Variants in FSTL4 observed in about 807,000 individuals in gnomAD.
FSTL4 encodes the protein follistatin like 4, also known as follistatin-related protein 4.
FSTL4 carries 28 observed loss-of-function variants against 78.2 expected under a neutral mutation model. That is an observed-to-expected ratio of 0.36 (90% confidence interval 0.27 to 0.49). The LOEUF is 0.49. Among genes scored for constraint, FSTL4 ranks in the 20% least tolerant of loss-of-function variants. FSTL4 has a pLI of 0.98. For synonymous variants in FSTL4, 422 were observed against 440.5 expected (o/e 0.96, Z 0.53); for missense variants, 922 against 1,084.9 (o/e 0.85, Z 2.11).
chr5:133,751,550 GC>G, the FSTL4 span, among the ~76,000 whole-genome samples: 1 of 152,160 alleles, frequency 6.6e-6, no homozygotes, highest in Non-Finnish European at 1.5e-5. Context: ...TCTTCATCTA[GC>G]CATATTGAAC....
At chr5:133,258,503 C>A (rs941855531) in intron 6 of FSTL4, among the ~76,000 whole-genome samples, 5 of 152,212 alleles carry the variant, frequency 3.3e-5, no homozygotes, top group African/African-American at 9.6e-5. Flanking sequence ...CAGACTGAAA[C>A]TGAAACACTG....
the FSTL4 span, among the ~76,000 whole-genome samples, chr5:133,635,705 T>C: frequency 6.6e-6 from 1 of 152,166 alleles, no homozygotes; most frequent in Admixed American, 6.5e-5. Flanking sequence ...GGAGGTTGCG[T>C]TGAGCTGAGA....
chr5:133,416,879 CTTCT>C (rs1756589054), intron 3 of FSTL4, among the ~76,000 whole-genome samples: 1 of 152,180 alleles, frequency 6.6e-6, no homozygotes, highest in Non-Finnish European at 1.5e-5. Context: ...TGGTTTGAAT[CTTCT>C]TTCTATCGAG....
At chr5:133,437,576 G>A (rs759033287) in intron 3 of FSTL4, among the ~76,000 whole-genome samples, 1 of 131,514 alleles carries the variant, frequency 7.6e-6, no homozygotes, top group African/African-American at 2.9e-5. Context: ...TGCAACCTCC[G>A]CCTACTGGGC....
chr5:133,679,260 G>A, the FSTL4 span, among the ~76,000 whole-genome samples: 14 of 152,112 alleles, frequency 9.2e-5, no homozygotes, highest in South Asian at 4.2e-4. Context: ...AGACTCCCAG[G>A]AGGAAAGCAG....
chr5:133,496,845 C>G (rs1473178289), intron 3 of FSTL4, among the ~76,000 whole-genome samples: 2 of 152,198 alleles, frequency 1.3e-5, no homozygotes, highest in Non-Finnish European at 2.9e-5. Flanking sequence ...CGCCCTCTCC[C>G]ACTCAGCAGC....
rs948343366 is a variant in FSTL4 at position 133,426,126 on chromosome 5, C to T, written c.161-25140G>A. On this transcript the variant is annotated intron_variant, in intron 3 of 15. Coordinates refer to ENST00000265342, the MANE Select transcript of FSTL4 (RefSeq NM_015082.2). This position sits in a 1 kb window ranked among gnomAD's most constrained non-coding sequence, Gnocchi z 5.0. The stretch of plus-strand genomic sequence containing the variant: ...TCACCTTCCTCATTGCCCCAACATC[C>T]CTGAGAGTGTGCCTTTGATCTCAAA... Among the ~76,000 whole-genome samples, 2 of 152,168 alleles carry T rather than the reference C, an allele frequency of 1.3e-5. No homozygotes were observed. Among genetic ancestry groups the T allele is most frequent in the Middle Eastern group, 3.2e-3 (1 of 316 alleles).
At chr5:133,402,399 T>C (rs1283445279) in intron 3 of FSTL4, among the ~76,000 whole-genome samples, 1 of 152,158 alleles carries the variant, frequency 6.6e-6, no homozygotes, top group Non-Finnish European at 1.5e-5. Flanking sequence ...GATGGAAAGT[T>C]GAGAATTACA....
At chr5:133,758,172 A>G in the FSTL4 span, among the ~76,000 whole-genome samples, 1 of 152,198 alleles carries the variant, frequency 6.6e-6, no homozygotes, top group African/African-American at 2.4e-5. Flanking sequence ...ATCCTCATCA[A>G]CCACTCACTG....
the FSTL4 span, among the ~76,000 whole-genome samples, chr5:133,683,515 G>A: frequency 6.6e-6 from 1 of 152,048 alleles, no homozygotes; most frequent in African/African-American, 2.4e-5. Flanking sequence ...AATCAAACTT[G>A]CCAAGCATGT....
In FSTL4 at chr5:133,611,690, A is replaced by G. The variant is rs1761097130; in HGVS notation, c.-11+635T>C. Among the ~76,000 whole-genome samples, 1 of 152,284 alleles carries G rather than the reference A, an allele frequency of 6.6e-6. No homozygotes were observed. ...ACAAGCAGCGCCGCAGGCTGCCTGG[A>G]GTCGGGTCGTGCCCTGATTCCTTCC... On this transcript the variant is annotated intron_variant, in intron 1 of 15. Transcript: ENST00000265342. This position sits in a 1 kb window ranked among gnomAD's most constrained non-coding sequence, Gnocchi z 4.9.
the FSTL4 span, among the ~76,000 whole-genome samples, chr5:133,628,329 AT>A: frequency 5.6e-3 from 842 of 151,244 alleles, 2 homozygotes; most frequent in Non-Finnish European, 7.5e-3. Flanking sequence ...TCAGGAGCTG[AT>A]TTTTTTTGTT....
chr5:133,338,954 A>T lies in FSTL4; in HGVS notation c.410-22302T>A, dbSNP rs1754527713. ...CCGGATGACCACTATGCCTCCGATCATGTCCCCACCAATCCTCCCCCACTC... is the reference window on the plus strand; with the variant it reads ...CCGGATGACCACTATGCCTCCGATCTTGTCCCCACCAATCCTCCCCCACTC... On this transcript the variant is annotated intron_variant, in intron 4 of 15. Transcript: ENST00000265342. This position sits in a 1 kb window ranked among gnomAD's most constrained non-coding sequence, Gnocchi z 4.0. Among the ~76,000 whole-genome samples, 3 of 151,952 alleles carry T rather than the reference A, an allele frequency of 2.0e-5. No individual in the cohort carries two copies. Among genetic ancestry groups the T allele is most frequent in the Admixed American group, 2.0e-4 (3 of 15,250 alleles).
At chr5:133,562,055 G>A (rs950654108) in intron 3 of FSTL4, among the ~76,000 whole-genome samples, 3 of 152,190 alleles carry the variant, frequency 2.0e-5, no homozygotes, top group Admixed American at 1.3e-4. Context: ...CTCACTGCAT[G>A]TGAGAGAGGG....
the FSTL4 span, among the ~76,000 whole-genome samples, chr5:133,634,668 A>G: frequency 6.6e-6 from 1 of 152,168 alleles, no homozygotes; most frequent in East Asian, 1.9e-4. Flanking sequence ...TGTTTATTGT[A>G]AAAATAGCAA....
intron 3 of FSTL4, among the ~76,000 whole-genome samples, chr5:133,493,870 G>A (rs1368948171): frequency 6.6e-5 from 10 of 152,262 alleles, no homozygotes; most frequent in Admixed American, 2.0e-4. Context: ...AACTCAGATC[G>A]TCCTTCTGCC....
At chr5:133,742,155 A>G in the FSTL4 span, among the ~76,000 whole-genome samples, 1 of 152,252 alleles carries the variant, frequency 6.6e-6, no homozygotes, top group Admixed American at 6.5e-5. Context: ...ACAGCAGCTC[A>G]TTAATTTGAA....
Position 133,199,502 on chromosome 5 carries a change from T to C in FSTL4, c.2122A>G (p.Ser708Gly), listed in dbSNP as rs1750252165. 6 of 1,614,198 alleles carry C rather than the reference T, an allele frequency of 3.7e-6. No homozygotes were observed. The highest frequency in any genetic ancestry group is 2.2e-5 in the East Asian group (1 of 44,882). ...GRFIVSAAAD[S>G]PWLHVQEITV... is the part of the protein sequence containing the mutation. ...ATCTCCTGCACGTGCAGCCAGGGGC[T>C]GTCAGCTGCAGCACTGACTATGAAG... is the stretch of plus-strand genomic sequence containing the variant. The change falls in exon 16 of 16, where the codon AGC (serine) becomes GGC (glycine). Residue 708 changes from serine (S) to glycine (G), a missense_variant. Coordinates refer to ENST00000265342, the MANE Select transcript of FSTL4 (RefSeq NM_015082.2). This position sits in a 1 kb window ranked among gnomAD's most constrained non-coding sequence, Gnocchi z 4.4.
At chr5:133,696,334 G>A in the FSTL4 span, among the ~76,000 whole-genome samples, 6 of 152,190 alleles carry the variant, frequency 3.9e-5, no homozygotes, top group East Asian at 1.9e-4. Flanking sequence ...ATATCCTGCC[G>A]AAGCCCTGTG....
Sources: allele counts gnomAD v4.1 joint callset (sites outside exome capture counted in the v4.1 genomes callset), GRCh38; gene constraint gnomAD v4.1.1; non-coding constraint Gnocchi (gnomAD v3.1); transcripts MANE v1.5; gene names NCBI Gene and HGNC (gene_info 2026-07-23, HGNC 2026-07-21).